Variants in LIMCH1 observed in about 807,000 individuals in gnomAD.
The protein encoded by LIMCH1 is LIM and calponin homology domains-containing protein 1.
Under a neutral mutation model 176.5 loss-of-function variants are expected in LIMCH1, and 113 were observed. The ratio of observed to expected loss-of-function variants is 0.64; its 90% confidence interval spans 0.55 to 0.75. The LOEUF (loss-of-function observed/expected upper bound fraction) is 0.75, where lower values mean the gene tolerates loss of function less well. LIMCH1 is among the 30% of genes least tolerant of loss of function. The pLI is 0.00. For missense variants in LIMCH1, 1,674 were observed against 1,814.9 expected (o/e 0.92, Z 1.41); for synonymous variants, 619 against 645.9 (o/e 0.96, Z 0.63).
chr4:41,573,390 CAG>C (rs1442833164), intron 1 of LIMCH1, among the ~76,000 whole-genome samples: 1 of 152,166 alleles, frequency 6.6e-6, no homozygotes, highest in Admixed American at 6.5e-5. Context: ...GCAGTCCACT[CAG>C]AGACTGTTAG....
chr4:41,682,529 G>A, intron 26 of LIMCH1, 69 bp downstream of exon 26: 1 of 1,483,872 alleles, frequency 6.7e-7, no homozygotes, highest in Non-Finnish European at 9.1e-7. Flanking sequence ...GCTCAGGAAG[G>A]GTACTCATTG....
At chr4:41,641,340 C>T (rs2093814029) in intron 14 of LIMCH1, among the ~76,000 whole-genome samples, 2 of 152,154 alleles carry the variant, frequency 1.3e-5, no homozygotes, top group African/African-American at 4.8e-5. Flanking sequence ...TGAATGACAA[C>T]TCAGCCCATT....
intron 18 of LIMCH1, among the ~76,000 whole-genome samples, chr4:41,656,827 G>T (rs372809677): frequency 2.6e-5 from 4 of 152,300 alleles, no homozygotes; most frequent in African/African-American, 9.6e-5. Context: ...AACCCATAGA[G>T]GTTAAATGAT....
intron 1 of LIMCH1, among the ~76,000 whole-genome samples, chr4:41,423,307 A>G (rs1561324360): frequency 6.6e-6 from 1 of 152,190 alleles, no homozygotes; most frequent in Non-Finnish European, 1.5e-5. Flanking sequence ...GCTATCCACA[A>G]ATGGAAAGAT....
chr4:41,482,258 G>A (rs2068776893), intron 1 of LIMCH1, among the ~76,000 whole-genome samples: 1 of 152,234 alleles, frequency 6.6e-6, no homozygotes, highest in African/African-American at 2.4e-5. Context: ...ATGTAAAAAT[G>A]TGAGTTATCA....
chr4:41,552,885 A>G (rs2080681575), intron 1 of LIMCH1, among the ~76,000 whole-genome samples: 1 of 152,204 alleles, frequency 6.6e-6, no homozygotes, highest in South Asian at 2.1e-4. Context: ...CATGGAAGTA[A>G]TATATATAGT....
chr4:41,662,921 A>T lies in LIMCH1; in HGVS notation c.3228A>T (p.Glu1076Asp), dbSNP rs1264128327. ...AGCTGAAGAATGATGTGTCGGAAGA[A>T]AAAGACCAGAAGAAACCAGAAAATG... is the stretch of plus-strand genomic sequence containing the variant. The part of the protein sequence containing the change: ...SPQLKNDVSE[E>D]KDQKKPENEM... The change falls in exon 20 of 32, where the codon GAA becomes GAT. Residue 1076 changes from glutamate (E) to aspartate (D), a missense_variant. Physicochemically the swap from Glu to Asp is conservative, Grantham distance 45. Transcript: ENST00000503057. 3 of 1,613,948 alleles carry T rather than the reference A, an allele frequency of 1.9e-6. No homozygotes were observed. Among genetic ancestry groups the T allele is most frequent in the African/African-American group, 1.3e-5 (1 of 74,910 alleles).
At chr4:41,431,094 C>G (rs2061570971) in intron 1 of LIMCH1, among the ~76,000 whole-genome samples, 1 of 152,212 alleles carries the variant, frequency 6.6e-6, no homozygotes, top group African/African-American at 2.4e-5. Context: ...AGATGCATTT[C>G]CAGTGTTGGG....
At chr4:41,453,225 G>A (rs374768841) in intron 1 of LIMCH1, among the ~76,000 whole-genome samples, 3 of 152,086 alleles carry the variant, frequency 2.0e-5, no homozygotes, top group South Asian at 2.1e-4. Flanking sequence ...ATGAGATACC[G>A]TATATATAGA....
chr4:41,426,469 G>C (rs1036891837), intron 1 of LIMCH1, among the ~76,000 whole-genome samples: 10 of 152,116 alleles, frequency 6.6e-5, no homozygotes, highest in Admixed American at 6.5e-4. Context: ...TTAAATTTAG[G>C]AATCATGACT....
At chr4:41,494,068 G>A (rs2071577986) in intron 1 of LIMCH1, among the ~76,000 whole-genome samples, 1 of 152,042 alleles carries the variant, frequency 6.6e-6, no homozygotes, top group African/African-American at 2.4e-5. Context: ...AAGAGACTGT[G>A]GCCTTGACTT....
intron 1 of LIMCH1, among the ~76,000 whole-genome samples, chr4:41,388,630 G>T (rs773129121): frequency 1.3e-5 from 2 of 149,272 alleles, no homozygotes; most frequent in Non-Finnish European, 2.9e-5. Flanking sequence ...CAGTATGCAG[G>T]CTATGCATCC....
chr4:41,622,444 C>T (rs933392468), intron 7 of LIMCH1, among the ~76,000 whole-genome samples: 11 of 152,108 alleles, frequency 7.2e-5, no homozygotes, highest in African/African-American at 9.7e-5. Context: ...ATTTATATCA[C>T]GTGTAAAGTC....
intron 18 of LIMCH1, among the ~76,000 whole-genome samples, chr4:41,651,380 T>C (rs1327500927): frequency 6.6e-6 from 1 of 152,172 alleles, no homozygotes; most frequent in Non-Finnish European, 1.5e-5. Flanking sequence ...TCATCTTAAC[T>C]AATCACATCT....
chr4:41,526,259 C>T (rs1306365846), intron 3 of LIMCH1, among the ~76,000 whole-genome samples: 3 of 130,362 alleles, frequency 2.3e-5, no homozygotes, highest in Admixed American at 7.4e-5. Context: ...TCCTTGCTAT[C>T]GCTTTTTTTT....
At chr4:41,559,257 C>T (rs182413333) in intron 1 of LIMCH1, among the ~76,000 whole-genome samples, 20 of 152,104 alleles carry the variant, frequency 1.3e-4, no homozygotes, top group African/African-American at 4.3e-4. Context: ...TACAGGAGCA[C>T]CTTCAATTTC....
chr4:41,424,736 T>C (rs375305444), intron 1 of LIMCH1, among the ~76,000 whole-genome samples: 3 of 152,354 alleles, frequency 2.0e-5, no homozygotes, highest in African/African-American at 7.2e-5. Flanking sequence ...TTTGGAATTG[T>C]AGACCATAGT....
intron 1 of LIMCH1, among the ~76,000 whole-genome samples, chr4:41,551,954 A>G (rs1414669811): frequency 6.6e-6 from 1 of 152,148 alleles, no homozygotes; most frequent in Non-Finnish European, 1.5e-5. Flanking sequence ...AGACATACCC[A>G]AGACTGGATA....
At chr4:41,381,670 TG>T (rs1165973193) in intron 1 of LIMCH1, among the ~76,000 whole-genome samples, 1 of 152,150 alleles carries the variant, frequency 6.6e-6, no homozygotes, top group Non-Finnish European at 1.5e-5. Flanking sequence ...TAAGACACCT[TG>T]GGTAATTCTG....
Sources: allele counts gnomAD v4.1 joint callset (sites outside exome capture counted in the v4.1 genomes callset), GRCh38; gene constraint gnomAD v4.1.1; transcripts MANE v1.5; gene names NCBI Gene and HGNC (gene_info 2026-07-23, HGNC 2026-07-21).